SCTR: variants seen among roughly 807,000 people sequenced by gnomAD.
SCTR encodes pancreatic secretin receptor.
A neutral mutation model predicts 60.8 loss-of-function variants in SCTR; 56 were observed. The observed-to-expected ratio is 0.92, with a 90% confidence interval of 0.74 to 1.15. The LOEUF is 1.15. SCTR is among the 50% of genes most tolerant of loss of function. The pLI is 0.00. For synonymous variants in SCTR, 202 were observed against 217.0 expected, an observed-to-expected ratio of 0.93 and a Z score of 0.61; for missense variants, 562 against 550.4, an observed-to-expected ratio of 1.02 and a Z score of -0.21.
intron 1 of SCTR, among the ~76,000 whole-genome samples, chr2:119,495,006 C>A (rs1038062440): frequency 6.6e-5 from 10 of 152,090 alleles, no homozygotes; most frequent in African/African-American, 2.4e-4. Flanking sequence ...GTGATCATAG[C>A]TCACTGCAGC....
intron 2 of SCTR, among the ~76,000 whole-genome samples, chr2:119,491,440 TTA>T (rs1678125070): frequency 6.6e-6 from 1 of 152,198 alleles, no homozygotes; most frequent in Admixed American, 6.5e-5. Context: ...AGCCTCCTGA[TTA>T]GACACTCAGG....
chr2:119,450,828 G>A (rs923097712), intron 9 of SCTR, among the ~76,000 whole-genome samples: 4 of 152,152 alleles, frequency 2.6e-5, no homozygotes, highest in Non-Finnish European at 5.9e-5. Context: ...TAGGCGTGGT[G>A]GTGGGAGCCT....
At chr2:119,444,989 G>A (rs1400569311) in intron 11 of SCTR, among the ~76,000 whole-genome samples, 1 of 144,480 alleles carries the variant, frequency 6.9e-6, no homozygotes, top group Non-Finnish European at 1.5e-5. Context: ...ATATTCGTAC[G>A]AATATATATA....
chr2:119,506,498 T>C (rs1268017265), intron 1 of SCTR, among the ~76,000 whole-genome samples: 2 of 152,108 alleles, frequency 1.3e-5, no homozygotes, highest in African/African-American at 2.4e-5. Flanking sequence ...ATTTATCTTT[T>C]AGAGACAGGG....
intron 1 of SCTR, among the ~76,000 whole-genome samples, chr2:119,510,612 T>C (rs1028300372): frequency 1.3e-5 from 2 of 152,114 alleles, no homozygotes; most frequent in African/African-American, 4.8e-5. Context: ...AATTTAAAAG[T>C]ATTAAATACA....
chr2:119,446,864 G>A lies in SCTR; in HGVS notation c.1035C>T (p.Leu345=), dbSNP rs1682951243. The A allele has an allele frequency of 1.9e-6, 3 of 1,567,328 alleles. No homozygotes were observed. The highest frequency in any genetic ancestry group is 1.8e-5 in the Admixed American group (1 of 54,880). ...GGATGCCAAAGAGGGGGATCAGCAG[G>A]AGAGTGGACCTGGCCAGGCGCCTGG... is the stretch of plus-strand genomic sequence containing the variant. ...SHYKRLARST[L]LLIPLFGIHY... The change falls in exon 11 of 13, where the codon CTC becomes CTT. Residue 345 remains leucine (L), a synonymous_variant. Coordinates refer to ENST00000019103, the MANE Select transcript of SCTR (RefSeq NM_002980.3).
Position 119,524,352 on chromosome 2 carries a change from G to A in SCTR, c.-126C>T, listed in dbSNP as rs970091438. ...GGCCGCTGCGCCCCGAGGAGCCATG[G>A]CTGAGCCACCCGACCTGCGGCGGGC... is the stretch of plus-strand genomic sequence containing the variant. On this transcript the variant is annotated 5_prime_UTR_variant, in exon 1 of 13. Transcript: ENST00000019103. 1.2e-5 allele frequency: 7 copies of A among 572,668 alleles called. No individual in the cohort carries two copies. The African/African-American group carries it at 1.4e-4, about 11-fold the overall frequency. 35.5% of individuals were successfully genotyped at this position (572,668 alleles called of 1,614,324 possible).
At chr2:119,499,059 A>T (rs1301763472) in intron 1 of SCTR, among the ~76,000 whole-genome samples, 1 of 152,092 alleles carries the variant, frequency 6.6e-6, no homozygotes, top group Non-Finnish European at 1.5e-5. Flanking sequence ...TAATCAAAGA[A>T]ATCAGGAGTG....
rs750966664 is a variant in SCTR at position 119,462,006 on chromosome 2, G to A, written c.637-6C>T. ...ATGACCAGCTTGCAGCCCGCCTGGAGAGAGAGAGGCAGCTGAACCCAGGCC... is the reference window on the plus strand; with the variant it reads ...ATGACCAGCTTGCAGCCCGCCTGGAAAGAGAGAGGCAGCTGAACCCAGGCC... On this transcript the variant is annotated splice_polypyrimidine_tract_variant and splice_region_variant and intron_variant, in intron 6 of 12. Transcript: ENST00000019103. 1 of 1,596,172 alleles carries A rather than the reference G, an allele frequency of 6.3e-7. No individual in the cohort carries two copies. Among genetic ancestry groups the A allele is most frequent in the South Asian group, 1.1e-5 (1 of 88,176 alleles).
At chr2:119,485,571 G>A (rs1232882302) in intron 2 of SCTR, among the ~76,000 whole-genome samples, 1 of 152,220 alleles carries the variant, frequency 6.6e-6, no homozygotes, top group Non-Finnish European at 1.5e-5. Flanking sequence ...AATGTGTCAG[G>A]CTGCAGTGGC....
At chr2:119,518,506 G>A (rs756884677) in intron 1 of SCTR, among the ~76,000 whole-genome samples, 34 of 152,282 alleles carry the variant, frequency 2.2e-4, no homozygotes, top group Middle Eastern at 3.4e-3. Flanking sequence ...CTAAGACTGC[G>A]GGACGTGATG....
rs147763494 is a variant in SCTR, at chr2:119,510,774, T to A, written c.72+13381A>T. On this transcript the variant is annotated intron_variant, in intron 1 of 12. Coordinates refer to ENST00000019103, the MANE Select transcript of SCTR (RefSeq NM_002980.3). ...GTATAACCACACTGAGCCTTTTTTT[T>A]AAATTTGTACTAGTACCAAAGAGTA... 5.9e-5 allele frequency among the ~76,000 whole-genome samples: 9 copies of A among 151,824 alleles called. No homozygotes were observed. In the South Asian group the frequency reaches 6.2e-4, roughly 10 times the overall value.
chr2:119,479,297 T>A, intron 2 of SCTR: 1 of 1,001,002 alleles, frequency 1.0e-6, no homozygotes, highest in South Asian at 4.6e-5. Context: ...GTCTCCCTTC[T>A]AGCTTCATGG....
chr2:119,467,511 G>A (rs1456554424), intron 4 of SCTR, among the ~76,000 whole-genome samples: 1 of 152,128 alleles, frequency 6.6e-6, no homozygotes, highest in Non-Finnish European at 1.5e-5. Context: ...TTCCTCTGCA[G>A]GTGAGGGTAT....
intron 3 of SCTR, 107 bp downstream of exon 3, chr2:119,478,704 T>A: frequency 1.1e-6 from 1 of 925,384 alleles, no homozygotes; most frequent in East Asian, 2.6e-5. Context: ...ATTGTACCCA[T>A]ACTTGTCCTC....
chr2:119,445,847 A>G (rs1682906396), intron 11 of SCTR, among the ~76,000 whole-genome samples: 1 of 152,232 alleles, frequency 6.6e-6, no homozygotes, highest in African/African-American at 2.4e-5. Flanking sequence ...CCTCCTGTAT[A>G]GAACTTTATC....
At chr2:119,505,858 TA>T (rs1052979973) in intron 1 of SCTR, among the ~76,000 whole-genome samples, 1 of 151,850 alleles carries the variant, frequency 6.6e-6, no homozygotes, top group Admixed American at 6.6e-5. Flanking sequence ...AAGTATAATT[TA>T]AAAAAACAGA....
Position 119,452,751 on chromosome 2 carries a change from C to T in SCTR, c.851+536G>A, listed in dbSNP as rs1455944147. ...TCATTATGCCCCTGAGAAATCAACT[C>T]CCATGCTGCCCCGCTGCCTCGCTGC... is the stretch of plus-strand genomic sequence containing the variant. On this transcript the variant is annotated intron_variant, in intron 8 of 12. Coordinates refer to ENST00000019103, the MANE Select transcript of SCTR (RefSeq NM_002980.3). Among the ~76,000 whole-genome samples the T allele has an allele frequency of 2.6e-5, 4 of 152,182 alleles. No homozygotes were observed. The East Asian group carries it at 7.7e-4, about 29-fold the overall frequency.
intron 3 of SCTR, among the ~76,000 whole-genome samples, chr2:119,477,870 C>T (rs1363178699): frequency 6.6e-6 from 1 of 152,222 alleles, no homozygotes; most frequent in Non-Finnish European, 1.5e-5. Flanking sequence ...GCCTGTCTAC[C>T]TCATTTCCCC....
Sources: allele counts gnomAD v4.1 joint callset (sites outside exome capture counted in the v4.1 genomes callset), GRCh38; gene constraint gnomAD v4.1.1; transcripts MANE v1.5; gene names NCBI Gene and HGNC (gene_info 2026-07-23, HGNC 2026-07-21).